Variants in SLC25A26 observed in about 807,000 individuals in gnomAD.
SLC25A26 encodes the protein solute carrier family 25 member 26, also known as mitochondrial S-adenosylmethionine carrier protein.
A neutral mutation model predicts 37.8 loss-of-function variants in SLC25A26; 36 were observed. The ratio of observed to expected loss-of-function variants is 0.95; its 90% CI spans 0.73 to 1.26. SLC25A26 has a LOEUF of 1.26. Ranked by LOEUF, SLC25A26 falls within the 50% of genes most tolerant of loss-of-function variation. The pLI is 0.00. For synonymous variants in SLC25A26, 129 were observed against 122.5 expected, an observed-to-expected ratio of 1.05 and a Z score of -0.35; for missense variants, 390 against 331.1, an observed-to-expected ratio of 1.18 and a Z score of -1.38.
At chr3:66,330,658 G>A (rs1462179944) in intron 5 of SLC25A26, among the ~76,000 whole-genome samples, 1 of 133,984 alleles carries the variant, frequency 7.5e-6, no homozygotes, top group Non-Finnish European at 1.6e-5. Flanking sequence ...GGAGTGGGTA[G>A]GCATTTTTTT....
chr3:66,239,784 T>C (rs1168158324), intron 2 of SLC25A26, among the ~76,000 whole-genome samples: 1 of 151,492 alleles, frequency 6.6e-6, no homozygotes, highest in Admixed American at 6.6e-5. Flanking sequence ...CTGGCATAGC[T>C]GCAGCGATGG....
At chr3:66,314,553 T>G (rs149405585) in intron 5 of SLC25A26, among the ~76,000 whole-genome samples, 24 of 152,326 alleles carry the variant, frequency 1.6e-4, no homozygotes, top group African/African-American at 5.1e-4. Flanking sequence ...TTGATGTTCA[T>G]CAGGGATATT....
intron 1 of SLC25A26, among the ~76,000 whole-genome samples, chr3:66,193,842 A>T (rs2070991906): frequency 6.6e-6 from 1 of 152,216 alleles, no homozygotes; most frequent in African/African-American, 2.4e-5. Flanking sequence ...CAGTCCTATC[A>T]TCACACGGAC....
chr3:66,299,261 G>A (rs1331206531), intron 5 of SLC25A26, among the ~76,000 whole-genome samples: 1 of 152,006 alleles, frequency 6.6e-6, no homozygotes, highest in Non-Finnish European at 1.5e-5. Flanking sequence ...GCACAGTCTC[G>A]ACTCACTGCA....
rs78645144 is a variant in SLC25A26, at chr3:66,343,107, T to G, written c.454-3257T>G. ...CGTTTTGAAGAAACAATCACTGTTA[T>G]GTAACTTCAAGCCAGACGCGGGGAG... On this transcript the variant is annotated intron_variant, in intron 5 of 9. Coordinates refer to ENST00000354883, the MANE Select transcript of SLC25A26 (RefSeq NM_001379210.1). 4.7e-3 allele frequency among the ~76,000 whole-genome samples: 715 copies of G among 152,338 alleles called. 5 individuals are homozygous for G. The highest frequency in any genetic ancestry group is 0.016 in the African/African-American group (674 of 41,576).
intron 1 of SLC25A26, among the ~76,000 whole-genome samples, chr3:66,160,629 A>G (rs1449618610): frequency 2.0e-5 from 3 of 152,244 alleles, no homozygotes; most frequent in Non-Finnish European, 4.4e-5. Context: ...ATACACAATT[A>G]TGAAAATTAC....
intron 5 of SLC25A26, among the ~76,000 whole-genome samples, chr3:66,319,911 G>A (rs796502035): frequency 2.0e-5 from 3 of 151,632 alleles, no homozygotes; most frequent in East Asian, 1.9e-4. Context: ...ACACCACCAC[G>A]CCTGGCTAAT....
chr3:66,205,988 G>GTAA, intron 1 of SLC25A26, among the ~76,000 whole-genome samples: 1 of 152,196 alleles, frequency 6.6e-6, no homozygotes, highest in Non-Finnish European at 1.5e-5. Flanking sequence ...GGTTAGTGCT[G>GTAA]TAAGCAACTA....
At chr3:66,217,515 A>G (rs1224001106), upstream of SLC25A26, among the ~76,000 whole-genome samples, 1 of 151,990 alleles carries the variant, frequency 6.6e-6, no homozygotes, top group East Asian at 1.9e-4. Context: ...AGATAGTAAT[A>G]TTTTAATCAA....
At chr3:66,228,876 T>C (rs576855605) in intron 1 of SLC25A26, among the ~76,000 whole-genome samples, 2 of 152,374 alleles carry the variant, frequency 1.3e-5, no homozygotes, top group Admixed American at 6.5e-5. Flanking sequence ...GTTCCTGTCA[T>C]GCATCACATG....
chr3:66,365,705 A>G (rs967591511), intron 7 of SLC25A26, among the ~76,000 whole-genome samples: 3 of 152,180 alleles, frequency 2.0e-5, no homozygotes, highest in Non-Finnish European at 4.4e-5. Context: ...TTGGGTAACA[A>G]ATGAGAAGGC....
Position 66,296,845 on chromosome 3 carries a change from G to A in SLC25A26, c.453+33466G>A, listed in dbSNP as rs1023805288. Among the ~76,000 whole-genome samples, 4 of 152,208 alleles carry A rather than the reference G, an allele frequency of 2.6e-5. No homozygotes were observed. The East Asian group carries it at 7.7e-4, about 29-fold the overall frequency. On this transcript the variant is annotated intron_variant, in intron 5 of 9. Coordinates refer to ENST00000354883, the MANE Select transcript of SLC25A26 (RefSeq NM_001379210.1). ...GGATTGCAGATGGGATGAGAAAGGT[G>A]CAGGACCAAGAGGGTAAGAACTGAG... is the stretch of plus-strand genomic sequence containing the variant.
At chr3:66,297,454 G>C (rs536771111) in intron 5 of SLC25A26, among the ~76,000 whole-genome samples, 2 of 151,402 alleles carry the variant, frequency 1.3e-5, no homozygotes, top group East Asian at 3.9e-4. Context: ...CATTCCATTT[G>C]TGGCTGTTCT....
In SLC25A26 at chr3:66,208,545, A is replaced by G. The variant is rs1025814716; in HGVS notation, c.-353-12197A>G. 1.1e-4 allele frequency among the ~76,000 whole-genome samples: 16 copies of G among 151,050 alleles called. No homozygotes were observed. The East Asian group carries it at 2.9e-3, about 28-fold the overall frequency. ...GAGCAGGACAACCCACTTTTCCGGG[A>G]CCCTCCCTGTAGCAGAGAGCTATTC... On this transcript the variant is annotated intron_variant, in intron 1 of 10. Coordinates refer to the SLC25A26 transcript ENST00000676754.
intron 6 of SLC25A26, among the ~76,000 whole-genome samples, chr3:66,353,429 G>T (rs2076505553): frequency 6.6e-6 from 1 of 152,146 alleles, no homozygotes; most frequent in Non-Finnish European, 1.5e-5. Flanking sequence ...AAGGCCATGG[G>T]AGTACTAAGG....
chr3:66,300,065 A>T (rs1033438858), intron 5 of SLC25A26, among the ~76,000 whole-genome samples: 140 of 152,136 alleles, frequency 9.2e-4, no homozygotes, highest in Non-Finnish European at 8.8e-4. Flanking sequence ...AATTGCTTTT[A>T]AAGTCTTTGA....
rs200572621 is a variant in SLC25A26 at position 66,181,556 on chromosome 3, ATT to A, written c.-353-39182_-353-39181del. On this transcript the variant is annotated intron_variant, in intron 1 of 10. Transcript: ENST00000676754. Reference sequence around the variant, plus strand: ...ACTTCCATAGCTATTATTTCATTTGATTTTTACAGCAATCTTATGAGATTAGT... The same window carrying A: ...ACTTCCATAGCTATTATTTCATTTGATTTACAGCAATCTTATGAGATTAGT... Among the ~76,000 whole-genome samples the A allele has an allele frequency of 1.2e-3, 177 of 152,188 alleles. 4 individuals carry two copies. In the East Asian group the frequency reaches 0.031, roughly 26 times the overall value.
chr3:66,355,353 G>A (rs1435439544), intron 6 of SLC25A26, among the ~76,000 whole-genome samples: 1 of 151,864 alleles, frequency 6.6e-6, no homozygotes, highest in Non-Finnish European at 1.5e-5. Context: ...ACACATCAAC[G>A]CATATAAAAT....
intron 1 of SLC25A26, among the ~76,000 whole-genome samples, chr3:66,171,700 G>A (rs538845754): frequency 2.0e-3 from 302 of 152,208 alleles, no homozygotes; most frequent in Non-Finnish European, 3.1e-3. Flanking sequence ...ATGTTGCTCA[G>A]GCTGGTCTCA....
Sources: gnomAD v4.1 joint callset for allele counts (sites outside exome capture counted in the v4.1 genomes callset) on GRCh38, gnomAD v4.1.1 for gene constraint, MANE v1.5 for transcripts, NCBI Gene and HGNC (gene_info 2026-07-23, HGNC 2026-07-21) for gene names.